Variants in CNTNAP5 observed in about 807,000 individuals in gnomAD.
The protein encoded by CNTNAP5 is contactin associated protein family member 5, also known as contactin-associated protein-like 5.
In CNTNAP5, 72 loss-of-function variants were observed where a neutral mutation model predicts 150.2. The ratio of observed to expected loss-of-function variants is 0.48; its 90% CI spans 0.40 to 0.58. CNTNAP5 has a LOEUF of 0.58. Among genes scored for constraint, CNTNAP5 ranks in the 20% least tolerant of loss-of-function variants. The pLI, the probability that CNTNAP5 is intolerant of heterozygous loss-of-function variation, is 0.00. For missense variants in CNTNAP5, 1,636 were observed against 1,626.2 expected, an observed-to-expected ratio of 1.01 and a Z score of -0.10; for synonymous variants, 672 against 619.8, an observed-to-expected ratio of 1.08 and a Z score of -1.25.
intron 1 of CNTNAP5, among the ~76,000 whole-genome samples, chr2:124,059,107 A>G (rs901938469): frequency 2.0e-5 from 3 of 152,158 alleles, no homozygotes; most frequent in African/African-American, 4.8e-5. Context: ...ACTTCTTCAT[A>G]TTTTAAGTCC....
intron 1 of CNTNAP5, among the ~76,000 whole-genome samples, chr2:124,186,429 CTATA>C (rs1469560692): frequency 1.3e-5 from 2 of 151,970 alleles, no homozygotes; most frequent in African/African-American, 4.8e-5. Flanking sequence ...GGTTATAAGC[CTATA>C]TAATGTTATG....
chr2:124,226,803 T>A (rs1686470815), intron 2 of CNTNAP5, among the ~76,000 whole-genome samples: 1 of 152,076 alleles, frequency 6.6e-6, no homozygotes, highest in Non-Finnish European at 1.5e-5. Context: ...TTATGGGGAC[T>A]CTGCAGAGTC....
At chr2:124,534,751 T>C (rs1049059961) in intron 10 of CNTNAP5, among the ~76,000 whole-genome samples, 8 of 152,158 alleles carry the variant, frequency 5.3e-5, no homozygotes, top group African/African-American at 1.9e-4. Flanking sequence ...ACAATGAGGA[T>C]GAGCAGAGAT....
At chr2:124,387,979 A>G (rs1370287508) in intron 3 of CNTNAP5, among the ~76,000 whole-genome samples, 1 of 152,168 alleles carries the variant, frequency 6.6e-6, no homozygotes, top group African/African-American at 2.4e-5. Context: ...AGACAGGAAA[A>G]CAGGGAAAGT....
intron 18 of CNTNAP5, among the ~76,000 whole-genome samples, chr2:124,793,932 A>T (rs1328093449): frequency 2.6e-5 from 4 of 152,210 alleles, no homozygotes; most frequent in African/African-American, 9.6e-5. Context: ...AATCTAGAAA[A>T]GTTAAAACCC....
chr2:124,288,634 T>C (rs1369936098), intron 3 of CNTNAP5, among the ~76,000 whole-genome samples: 2 of 152,206 alleles, frequency 1.3e-5, no homozygotes, highest in Non-Finnish European at 2.9e-5. Flanking sequence ...CTCATGATTC[T>C]TGCTATTTTA....
Position 124,194,416 on chromosome 2 carries a change from T to A in CNTNAP5, c.83-27289T>A, listed in dbSNP as rs11692925. On this transcript the variant is annotated intron_variant, in intron 1 of 23. Coordinates refer to ENST00000682447, the MANE Select transcript of CNTNAP5 (RefSeq NM_001367498.1). ...ATATATATATATATATATATAAATA[T>A]AAATAGGTGTGCTGTATGTTCAGGT... Among the ~76,000 whole-genome samples, 164 of 67,290 alleles carry A rather than the reference T, an allele frequency of 2.4e-3. 1 individual carries two copies. The highest frequency in any genetic ancestry group is 0.011 in the East Asian group (15 of 1,416). The allele number at this position is 67,290 out of a possible 152,430, so 44.1% of individuals were successfully genotyped here.
Position 124,798,158 on chromosome 2 carries a change from G to C in CNTNAP5, c.3055G>C (p.Val1019Leu). The change falls in exon 19 of 24, where the codon GTG becomes CTG. Residue 1019 changes from valine (V) to leucine (L), a missense_variant. Val to Leu is a conservative substitution (Grantham distance 32). Transcript: ENST00000682447. ...TTACATGTTTCAAGAACCCTATCCTGTGACCAAGAATATAAGCCTCTCATC... is the reference window on the plus strand; with the variant it reads ...TTACATGTTTCAAGAACCCTATCCTCTGACCAAGAATATAAGCCTCTCATC... Reference protein sequence around the residue: ...VTYMFQEPYPVTKNISLSSSA... With the variant: ...VTYMFQEPYPLTKNISLSSSA... 6.2e-7 allele frequency: 1 copy of C among 1,613,764 alleles called. No homozygotes were observed. The highest frequency in any genetic ancestry group is 8.5e-7 in the Non-Finnish European group (1 of 1,179,788).
At chr2:124,409,011 C>T (rs1459415755) in intron 3 of CNTNAP5, among the ~76,000 whole-genome samples, 1 of 138,828 alleles carries the variant, frequency 7.2e-6, no homozygotes, top group African/African-American at 2.7e-5. Context: ...GAATGTATAA[C>T]TAGAATAACC....
intron 19 of CNTNAP5, among the ~76,000 whole-genome samples, chr2:124,818,831 C>A (rs948027942): frequency 7.2e-5 from 11 of 152,146 alleles, no homozygotes; most frequent in African/African-American, 2.7e-4. Flanking sequence ...CACAATCTGG[C>A]CCTTAAAGTT....
At chr2:124,248,723 A>AT (rs1687089396) in intron 3 of CNTNAP5, among the ~76,000 whole-genome samples, 1 of 152,172 alleles carries the variant, frequency 6.6e-6, no homozygotes, top group Non-Finnish European at 1.5e-5. Context: ...GCACTCACAC[A>AT]TTTACACATG....
At chr2:124,398,480 C>CTTTATTTATTTATTTA (rs71394036) in intron 3 of CNTNAP5, among the ~76,000 whole-genome samples, 6,567 of 147,932 alleles carry the variant, frequency 0.044, 174 homozygotes, top group East Asian at 0.076. Context: ...GAAATTTTTA[C>CTTTATTTATTTATTTA]TTTATTTATT....
At chr2:124,741,370 G>A (rs1477789017) in intron 13 of CNTNAP5, among the ~76,000 whole-genome samples, 3 of 152,134 alleles carry the variant, frequency 2.0e-5, no homozygotes, top group East Asian at 1.9e-4. Context: ...CCAGGAAGCT[G>A]TTGTGTTTAC....
intron 19 of CNTNAP5, among the ~76,000 whole-genome samples, chr2:124,833,668 T>C (rs149632686): frequency 1.3e-5 from 2 of 152,274 alleles, no homozygotes; most frequent in African/African-American, 4.8e-5. Flanking sequence ...AGTACTTCAG[T>C]ACATGCAAAA....
intron 7 of CNTNAP5, among the ~76,000 whole-genome samples, chr2:124,492,111 G>A (rs1183333600): frequency 6.6e-6 from 1 of 151,960 alleles, no homozygotes; most frequent in East Asian, 1.9e-4. Context: ...GCAGAAATTT[G>A]TTAGTTTGAT....
At chr2:124,035,405 T>TCTTC in intron 1 of CNTNAP5, among the ~76,000 whole-genome samples, 1 of 151,460 alleles carries the variant, frequency 6.6e-6, no homozygotes, top group East Asian at 2.0e-4. Context: ...TCCTTTCCTT[T>TCTTC]CTATCTTCTT....
intron 13 of CNTNAP5, among the ~76,000 whole-genome samples, chr2:124,707,100 GGAA>G (rs1319359711): frequency 1.1e-5 from 1 of 92,356 alleles, no homozygotes; most frequent in Admixed American, 1.1e-4. Flanking sequence ...AAGAAGAAGA[GGAA>G]GAAGAAGAGG....
chr2:124,458,812 A>G (rs558619286), intron 6 of CNTNAP5, among the ~76,000 whole-genome samples: 1 of 152,228 alleles, frequency 6.6e-6, no homozygotes, highest in Non-Finnish European at 1.5e-5. Flanking sequence ...AATGACTTTC[A>G]TATGTATGAG....
chr2:124,461,594 G>C (rs1291627948), intron 6 of CNTNAP5, among the ~76,000 whole-genome samples: 2 of 151,492 alleles, frequency 1.3e-5, no homozygotes, highest in African/African-American at 2.4e-5. Context: ...GAGTTAGTGG[G>C]TGCAGCACAC....
Sources: allele counts gnomAD v4.1 joint callset (sites outside exome capture counted in the v4.1 genomes callset), GRCh38; gene constraint gnomAD v4.1.1; transcripts MANE v1.5; gene names NCBI Gene and HGNC (gene_info 2026-07-23, HGNC 2026-07-21).